The following ADAMTS17 variants were observed in gnomAD, a reference collection of about 807,000 sequenced individuals.
The protein encoded by ADAMTS17 is A disintegrin and metalloproteinase with thrombospondin motifs 17.
A neutral mutation model predicts 141.5 loss-of-function variants in ADAMTS17; 113 were observed. The observed-to-expected ratio is 0.80, with a 90% CI of 0.69 to 0.93. The LOEUF is 0.93. Ranked by LOEUF, ADAMTS17 falls within the 40% of genes least tolerant of loss-of-function variation. The pLI is 0.00. For missense variants in ADAMTS17, 1,659 were observed against 1,517.9 expected (o/e 1.09, Z -1.54); for synonymous variants, 768 against 630.6 (o/e 1.22, Z -3.27).
rs76411473 is a variant in ADAMTS17, at chr15:100,330,688, C to T, written c.616+201G>A. ...AGAGATCCTAGGTTCCTTGCAGAAACAAAACGATGACTTTTTCAAAGGACT... is the reference window on the plus strand; with the variant it reads ...AGAGATCCTAGGTTCCTTGCAGAAATAAAACGATGACTTTTTCAAAGGACT... On this transcript the variant is annotated intron_variant, in intron 3 of 21. Coordinates refer to ENST00000268070, the MANE Select transcript of ADAMTS17 (RefSeq NM_139057.4). Among the ~76,000 whole-genome samples the T allele has an allele frequency of 0.066, 10,105 of 152,136 alleles. 802 individuals carry two copies. Among genetic ancestry groups the T allele is most frequent in the Admixed American group, 0.23 (3,585 of 15,268 alleles).
At chr15:100,064,430 C>T (rs185459434) in intron 15 of ADAMTS17, among the ~76,000 whole-genome samples, 16 of 152,330 alleles carry the variant, frequency 1.1e-4, no homozygotes, top group South Asian at 4.1e-4. Context: ...TGGTATTCTG[C>T]GAGAATGGCA....
intron 14 of ADAMTS17, among the ~76,000 whole-genome samples, chr15:100,099,963 A>C (rs933304153): frequency 2.0e-5 from 3 of 152,180 alleles, no homozygotes; most frequent in African/African-American, 7.2e-5. Context: ...TGTTGAAGAT[A>C]ACCAGGGACA....
chr15:100,318,718 G>T (rs1035190526), intron 3 of ADAMTS17, among the ~76,000 whole-genome samples: 1 of 152,214 alleles, frequency 6.6e-6, no homozygotes, highest in Non-Finnish European at 1.5e-5. Context: ...GTTCCAGAAA[G>T]GTGAAGAAAT....
chr15:100,161,036 T>C (rs546343668), intron 8 of ADAMTS17, among the ~76,000 whole-genome samples: 3 of 152,360 alleles, frequency 2.0e-5, no homozygotes, highest in East Asian at 1.9e-4. Flanking sequence ...CCAGTAATTT[T>C]AACTTTCAGT....
chr15:100,054,042 G>T lies in ADAMTS17; in HGVS notation c.2150C>A (p.Ser717Ter). ...SHARGTALKD[S>*]GKGSINSDWK... is the part of the protein sequence containing the mutation. ...GTCACTGTTGATGGACCCCTTACCC[G>T]AGTCTTTGAGAGCTAGAAAGCAAGT... The change falls in exon 16 of 22, where the codon TCG becomes TAG. Residue 717 changes from serine to a stop codon, truncating the protein, a stop_gained. Transcript: ENST00000268070. LOFTEE classifies it high-confidence loss of function. 1 of 1,614,152 alleles carries T rather than the reference G, an allele frequency of 6.2e-7. No homozygotes were observed. Among genetic ancestry groups the T allele is most frequent in the Non-Finnish European group, 8.5e-7 (1 of 1,180,028 alleles).
chr15:100,152,468 G>T, intron 10 of ADAMTS17, 144 bp downstream of exon 10: 1 of 1,053,520 alleles, frequency 9.5e-7, no homozygotes, highest in Non-Finnish European at 1.4e-6. Context: ...AAACGTGTGT[G>T]TGCATATACA....
At chr15:100,195,096 T>C (rs1216452097) in intron 8 of ADAMTS17, among the ~76,000 whole-genome samples, 1 of 152,242 alleles carries the variant, frequency 6.6e-6, no homozygotes, top group Admixed American at 6.5e-5. Context: ...CCCATCAGAA[T>C]AGCCTTTCAC....
At position 100,037,699 on chromosome 15, in the gene ADAMTS17, A is replaced by AT. The variant is rs111631600; in HGVS notation, c.2591+11157dup. On this transcript the variant is annotated intron_variant, in intron 18 of 21. Coordinates refer to ENST00000268070, the MANE Select transcript of ADAMTS17 (RefSeq NM_139057.4). Reference sequence around the variant, plus strand: ...GCTGGGATTACAGGCATAAGCCACCATGCTTGGCCTAGATGTTCTTCATAT... The same window carrying AT: ...GCTGGGATTACAGGCATAAGCCACCATTGCTTGGCCTAGATGTTCTTCATAT... Among the ~76,000 whole-genome samples, 3 of 152,182 alleles carry AT rather than the reference A, an allele frequency of 2.0e-5. 1 individual carries two copies. Among genetic ancestry groups the AT allele is most frequent in the African/African-American group, 7.2e-5 (3 of 41,526 alleles).
chr15:100,226,493 G>T (rs2042317845), intron 7 of ADAMTS17, among the ~76,000 whole-genome samples: 1 of 152,252 alleles, frequency 6.6e-6, no homozygotes, highest in Non-Finnish European at 1.5e-5. Context: ...ACCACGAAGT[G>T]AAGAGAGGCT....
intron 8 of ADAMTS17, among the ~76,000 whole-genome samples, chr15:100,164,422 T>C (rs2039864512): frequency 1.3e-5 from 2 of 152,208 alleles, no homozygotes; most frequent in South Asian, 4.1e-4. Flanking sequence ...CAAGTATTTG[T>C]TGAACGCCTT....
intron 8 of ADAMTS17, among the ~76,000 whole-genome samples, chr15:100,173,853 G>C (rs2040244313): frequency 2.0e-5 from 3 of 152,160 alleles, no homozygotes; most frequent in Admixed American, 2.0e-4. Context: ...GTACAGGCCA[G>C]GCATCTGAAT....
intron 8 of ADAMTS17, among the ~76,000 whole-genome samples, chr15:100,177,056 G>T (rs903156451): frequency 1.3e-5 from 2 of 152,170 alleles, no homozygotes; most frequent in Non-Finnish European, 2.9e-5. Flanking sequence ...CTATTAAGAA[G>T]AATAGAGTTG....
At chr15:100,060,026 C>A (rs939717814) in intron 15 of ADAMTS17, among the ~76,000 whole-genome samples, 1 of 152,080 alleles carries the variant, frequency 6.6e-6, no homozygotes, top group African/African-American at 2.4e-5. Context: ...ATTGTTGGAC[C>A]CAGAAAGCAC....
chr15:100,013,763 A>T (rs1214529764), intron 18 of ADAMTS17, among the ~76,000 whole-genome samples: 1 of 152,062 alleles, frequency 6.6e-6, no homozygotes, highest in African/African-American at 2.4e-5. Context: ...TATCTTTTTG[A>T]TATGTTGCTG....
chr15:100,004,185 G>A (rs2060987704), intron 18 of ADAMTS17, among the ~76,000 whole-genome samples: 1 of 152,264 alleles, frequency 6.6e-6, no homozygotes, highest in Non-Finnish European at 1.5e-5. Flanking sequence ...CTGCAGTGCA[G>A]GAGGAGCCGT....
At position 100,252,811 on chromosome 15, in the gene ADAMTS17, A is replaced by G. The variant is rs529826175; in HGVS notation, c.1075+1325T>C. Among the ~76,000 whole-genome samples the G allele has an allele frequency of 3.9e-5, 6 of 152,352 alleles. No homozygotes were observed. The South Asian group carries it at 1.2e-3, about 32-fold the overall frequency. On this transcript the variant is annotated intron_variant, in intron 7 of 21. Coordinates refer to ENST00000268070, the MANE Select transcript of ADAMTS17 (RefSeq NM_139057.4). ...TCAGATCTGGTTAGAGGACCGATGAAGTGTAATATATTAAAAATCATTTTG... is the reference window on the plus strand; with the variant it reads ...TCAGATCTGGTTAGAGGACCGATGAGGTGTAATATATTAAAAATCATTTTG...
intron 20 of ADAMTS17, among the ~76,000 whole-genome samples, chr15:99,985,921 C>A (rs2141301796): frequency 6.6e-6 from 1 of 152,352 alleles, no homozygotes; most frequent in Middle Eastern, 3.4e-3. Flanking sequence ...CAGGCAGGGG[C>A]TGTCTGGATC....
intron 7 of ADAMTS17, among the ~76,000 whole-genome samples, chr15:100,211,600 A>C (rs1476682477): frequency 5.3e-5 from 8 of 152,208 alleles, no homozygotes; most frequent in African/African-American, 1.9e-4. Flanking sequence ...CAGGAAGCAA[A>C]GATCATAAAA....
intron 8 of ADAMTS17, among the ~76,000 whole-genome samples, chr15:100,195,503 G>A (rs2041077463): frequency 6.7e-6 from 1 of 149,832 alleles, no homozygotes; most frequent in East Asian, 2.0e-4. Context: ...GTTTCCGTAA[G>A]ACCACAGAAC....
Sources: allele counts gnomAD v4.1 joint callset (sites outside exome capture counted in the v4.1 genomes callset), GRCh38; gene constraint gnomAD v4.1.1; transcripts MANE v1.5; gene names NCBI Gene and HGNC (gene_info 2026-07-23, HGNC 2026-07-21).